Variants in PPP2R2B observed in about 807,000 individuals in gnomAD.
PPP2R2B encodes protein phosphatase 2 regulatory subunit Bbeta.
PPP2R2B carries 5 observed loss-of-function variants against 46.0 expected under a neutral mutation model. That is an observed-to-expected ratio of 0.11 (90% CI 0.06 to 0.23). The LOEUF (loss-of-function observed/expected upper bound fraction) is 0.23, where lower values mean the gene tolerates loss of function less well. Among genes scored for constraint, PPP2R2B ranks in the 10% least tolerant of loss-of-function variants. PPP2R2B has a pLI of 1.00. For missense variants in PPP2R2B, 367 were observed against 575.0 expected (o/e 0.64, Z 3.70); for synonymous variants, 215 against 206.7 (o/e 1.04, Z -0.34).
At chr5:146,733,270 G>C (rs151211930) in intron 2 of PPP2R2B, among the ~76,000 whole-genome samples, 113 of 152,226 alleles carry the variant, frequency 7.4e-4, no homozygotes, top group African/African-American at 2.6e-3. Flanking sequence ...GGGCTGGGTG[G>C]TCAAAAAACA....
At chr5:146,939,710 A>T (rs2061416) in intron 1 of PPP2R2B, among the ~76,000 whole-genome samples, 37,722 of 151,978 alleles carry the variant, frequency 0.25, 5,148 homozygotes, top group East Asian at 0.46. Context: ...AAATTGTAAC[A>T]ATGCATTTGG....
chr5:146,968,005 C>G (rs979100748), intron 1 of PPP2R2B, among the ~76,000 whole-genome samples: 1 of 152,156 alleles, frequency 6.6e-6, no homozygotes, highest in Non-Finnish European at 1.5e-5. Flanking sequence ...AGGAACACAA[C>G]CAAGGCCCCA....
chr5:146,812,380 T>C (rs1328060966), intron 2 of PPP2R2B, among the ~76,000 whole-genome samples: 3 of 146,662 alleles, frequency 2.0e-5, no homozygotes, highest in Non-Finnish European at 3.0e-5. Flanking sequence ...TGTTTGTTTA[T>C]GTTTGGGCAA....
chr5:146,760,487 C>T (rs920016065), intron 2 of PPP2R2B, among the ~76,000 whole-genome samples: 1 of 152,074 alleles, frequency 6.6e-6, no homozygotes, highest in Admixed American at 6.6e-5. Flanking sequence ...CATACTCTTG[C>T]TGGAAAAGAC....
At chr5:146,710,186 T>A (rs1354872808) in intron 2 of PPP2R2B, among the ~76,000 whole-genome samples, 1 of 152,216 alleles carries the variant, frequency 6.6e-6, no homozygotes, top group Admixed American at 6.5e-5. Flanking sequence ...TTCATGGTGT[T>A]CATTGTAAAA....
At position 146,704,503 on chromosome 5, in the gene PPP2R2B, A is replaced by G. The variant is rs60087042; in HGVS notation, c.71-3361T>C. On this transcript the variant is annotated intron_variant, in intron 2 of 9. Transcript: ENST00000394411. Reference sequence around the variant, plus strand: ...TGATCAAGAAACTACAAACTTGAGCATTTTTCCTCTGTTGTATATAGATGT... The same window carrying G: ...TGATCAAGAAACTACAAACTTGAGCGTTTTTCCTCTGTTGTATATAGATGT... 7.4e-3 allele frequency among the ~76,000 whole-genome samples: 1,129 copies of G among 152,334 alleles called. 9 individuals are homozygous for G. The highest frequency in any genetic ancestry group is 0.025 in the African/African-American group (1,049 of 41,574).
At chr5:147,004,782 C>T (rs1178692015) in intron 1 of PPP2R2B, among the ~76,000 whole-genome samples, 7 of 151,588 alleles carry the variant, frequency 4.6e-5, no homozygotes, top group African/African-American at 1.7e-4. Context: ...TGAAACTTTT[C>T]TTTATACATC....
chr5:146,990,911 A>T (rs1187628081), intron 1 of PPP2R2B, among the ~76,000 whole-genome samples: 3 of 152,118 alleles, frequency 2.0e-5, no homozygotes, highest in African/African-American at 7.2e-5. Flanking sequence ...TAGGCAAAAA[A>T]CATGAATAGA....
chr5:147,042,851 A>G (rs1453820383), intron 1 of PPP2R2B, among the ~76,000 whole-genome samples: 1 of 152,084 alleles, frequency 6.6e-6, no homozygotes. Context: ...AAGGAAAAGA[A>G]CCATGTGGCT....
At chr5:146,775,738 C>A (rs1755142631) in intron 2 of PPP2R2B, among the ~76,000 whole-genome samples, 1 of 152,084 alleles carries the variant, frequency 6.6e-6, no homozygotes, top group Admixed American at 6.6e-5. Context: ...AGAACACAAA[C>A]ACACACACGC....
At chr5:146,718,664 C>T (rs1238650973) in intron 2 of PPP2R2B, among the ~76,000 whole-genome samples, 3 of 152,174 alleles carry the variant, frequency 2.0e-5, no homozygotes, top group Non-Finnish European at 1.5e-5. Flanking sequence ...AATTCCAGCC[C>T]TTGTCTAAAC....
chr5:146,637,140 G>A (rs571210943), intron 7 of PPP2R2B, among the ~76,000 whole-genome samples: 102 of 152,324 alleles, frequency 6.7e-4, no homozygotes, highest in African/African-American at 2.3e-3. Flanking sequence ...AATTCCTTGA[G>A]TATAGGAGAT....
chr5:146,935,896 C>A (rs180892959), intron 1 of PPP2R2B, among the ~76,000 whole-genome samples: 4 of 152,234 alleles, frequency 2.6e-5, no homozygotes, highest in Non-Finnish European at 5.9e-5. Flanking sequence ...TCTTTCCCAG[C>A]AACTTAGGCA....
At chr5:146,843,051 A>G (rs537734312) in intron 2 of PPP2R2B, among the ~76,000 whole-genome samples, 42 of 152,172 alleles carry the variant, frequency 2.8e-4, no homozygotes, top group Non-Finnish European at 2.9e-4. Flanking sequence ...AGCTGGCGTG[A>G]TGGCGCATGC....
intron 2 of PPP2R2B, among the ~76,000 whole-genome samples, chr5:146,778,143 G>T (rs79064907): frequency 1.3e-5 from 2 of 151,970 alleles, no homozygotes; most frequent in African/African-American, 4.8e-5. Context: ...TTTGGGTTCC[G>T]GCATTCCTGA....
At chr5:146,988,766 C>T (rs1184132828) in intron 1 of PPP2R2B, among the ~76,000 whole-genome samples, 1 of 151,530 alleles carries the variant, frequency 6.6e-6, no homozygotes, top group Non-Finnish European at 1.5e-5. Flanking sequence ...TAATAAAGAT[C>T]AGAGCAGAAA....
intron 1 of PPP2R2B, among the ~76,000 whole-genome samples, chr5:146,885,268 C>A (rs2963081): frequency 0.012 from 1,858 of 152,260 alleles, 27 homozygotes; most frequent in Middle Eastern, 0.065. Context: ...AGATGAGAGC[C>A]TGGCGCCAAC....
At chr5:146,868,079 G>A (rs1302638007) in intron 2 of PPP2R2B, among the ~76,000 whole-genome samples, 2 of 152,190 alleles carry the variant, frequency 1.3e-5, no homozygotes, top group African/African-American at 4.8e-5. Context: ...GGCAAGATGA[G>A]CAGCACCCTG....
chr5:146,691,309 G>A (rs909753312), intron 4 of PPP2R2B, 69 bp from the exon 5 acceptor site: 49 of 1,296,652 alleles, frequency 3.8e-5, no homozygotes, highest in African/African-American at 5.8e-5. Flanking sequence ...TTTTCCTGGG[G>A]GCAATGGGGA....
Sources: gnomAD v4.1 joint callset for allele counts (sites outside exome capture counted in the v4.1 genomes callset) on GRCh38, gnomAD v4.1.1 for gene constraint, MANE v1.5 for transcripts, NCBI Gene and HGNC (gene_info 2026-07-23, HGNC 2026-07-21) for gene names.